The following PPFIBP1 variants were observed in gnomAD, a reference collection of about 807,000 sequenced individuals.
PPFIBP1 encodes liprin-beta-1.
In PPFIBP1, 112 loss-of-function variants were observed where a neutral mutation model predicts 137.8. The observed-to-expected ratio is 0.81, with a 90% CI of 0.70 to 0.95. PPFIBP1 has a LOEUF of 0.95. PPFIBP1 is among the 40% of genes least tolerant of loss of function. The pLI, the probability that PPFIBP1 is intolerant of heterozygous loss-of-function variation, is 0.00. For synonymous variants in PPFIBP1, 378 were observed against 417.3 expected (o/e 0.91, Z 1.15); for missense variants, 1,083 against 1,196.6 (o/e 0.91, Z 1.40).
intron 19 of PPFIBP1, chr12:27,677,407 C>T: frequency 2.4e-6 from 1 of 425,262 alleles, no homozygotes; most frequent in Non-Finnish European, 4.3e-6. Flanking sequence ...GCAGCTCTTT[C>T]AGCCTTGAAG....
rs554104964 is a variant in PPFIBP1 at position 27,676,573 on chromosome 12, A to G, written c.1556A>G (p.Lys519Arg). ...GGCTTTTTTAAAATCAAAAGTAACA[A>G]GAGAACAGCAAGTGCACCAAACTTA... ...GRGFFKIKSN[K>R]RTASAPNLDR... The change falls in exon 18 of 30, where the codon AAG becomes AGG. Residue 519 changes from lysine to arginine, a missense_variant. Lys to Arg is a conservative substitution (Grantham distance 26). Transcript: ENST00000228425. The G allele has an allele frequency of 1.3e-6, 2 of 1,596,218 alleles. No homozygotes were observed. Among genetic ancestry groups the G allele is most frequent in the Non-Finnish European group, 1.7e-6 (2 of 1,171,062 alleles).
At chr12:27,577,812 A>G (rs2050699546) in intron 1 of PPFIBP1, among the ~76,000 whole-genome samples, 1 of 152,168 alleles carries the variant, frequency 6.6e-6, no homozygotes, top group African/African-American at 2.4e-5. Flanking sequence ...TTACTCAACA[A>G]ACATTCATAG....
chr12:27,574,790 A>G (rs978480722), intron 1 of PPFIBP1, among the ~76,000 whole-genome samples: 2 of 152,186 alleles, frequency 1.3e-5, no homozygotes, highest in African/African-American at 2.4e-5. Flanking sequence ...AACCTTGGAC[A>G]AGTTATTTAA....
At chr12:27,605,132 T>G (rs2054394686) in intron 2 of PPFIBP1, among the ~76,000 whole-genome samples, 1 of 152,182 alleles carries the variant, frequency 6.6e-6, no homozygotes, top group African/African-American at 2.4e-5. Flanking sequence ...AGAAAGCATT[T>G]ATGGTGGCCT....
rs1944343037 is a variant in PPFIBP1, at chr12:27,530,864, C to T, written c.-124+6499C>T. On this transcript the variant is annotated intron_variant, in intron 1 of 29. Transcript: ENST00000228425. ...AGAAAGTAAGCAGGCCATCGCGTGACCAAAGACAAGATGCTTGAGGGTTAA... is the reference window on the plus strand; with the variant it reads ...AGAAAGTAAGCAGGCCATCGCGTGATCAAAGACAAGATGCTTGAGGGTTAA... 7.2e-5 allele frequency among the ~76,000 whole-genome samples: 11 copies of T among 152,258 alleles called. No homozygotes were observed. The South Asian group carries it at 2.3e-3, about 32-fold the overall frequency.
chr12:27,547,910 G>A (rs1426918061), intron 1 of PPFIBP1: 1 of 152,210 alleles, frequency 6.6e-6, no homozygotes, highest in Non-Finnish European at 1.5e-5. Flanking sequence ...GAGCAATATA[G>A]TGTCTACTAT....
At chr12:27,642,324 G>A (rs73294062) in intron 4 of PPFIBP1, among the ~76,000 whole-genome samples, 168 of 152,296 alleles carry the variant, frequency 1.1e-3, no homozygotes, top group African/African-American at 3.9e-3. Flanking sequence ...GATTGAATGC[G>A]GTCAATAAGG....
At chr12:27,611,925 C>T (rs1352832370) in intron 2 of PPFIBP1, among the ~76,000 whole-genome samples, 2 of 152,152 alleles carry the variant, frequency 1.3e-5, no homozygotes, top group African/African-American at 4.8e-5. Flanking sequence ...AAGTCCATGA[C>T]GTGTAACATG....
intron 2 of PPFIBP1, chr12:27,599,344 A>G (rs2053694780): frequency 7.4e-6 from 3 of 404,530 alleles, no homozygotes; most frequent in South Asian, 5.6e-5. Context: ...CTGCTCCTGG[A>G]ATCAGACTGG....
At position 27,689,041 on chromosome 12, in the gene PPFIBP1, AAC is replaced by A; in HGVS notation, c.2525_2526del (p.Thr842AsnfsTer11). On this transcript the variant is annotated frameshift_variant, in exon 27 of 30. Coordinates refer to ENST00000228425, the MANE Select transcript of PPFIBP1 (RefSeq NM_003622.4). LOFTEE classifies it high-confidence loss of function. ...MVLEPRFNVE[T>X]MAQLLNIPPN... ...TTCTAGAGCCTCGTTTTAACGTAGA[AAC>A]AATGGCTCAGTTATTGAACATCCCA... 6.2e-7 allele frequency: 1 copy of A among 1,613,896 alleles called. No homozygotes were observed.
At chr12:27,658,971 C>T in intron 10 of PPFIBP1, 123 bp downstream of exon 10, 1 of 898,114 alleles carries the variant, frequency 1.1e-6, no homozygotes, top group African/African-American at 1.7e-5. Context: ...ATCAATAAGC[C>T]CTCCATTTCT....
At chr12:27,623,312 C>T (rs994460531) in intron 2 of PPFIBP1, among the ~76,000 whole-genome samples, 3 of 152,150 alleles carry the variant, frequency 2.0e-5, no homozygotes, top group Admixed American at 6.5e-5. Context: ...GAATTTGATT[C>T]GCCTACATCT....
At chr12:27,637,514 G>C (rs2057767262) in intron 4 of PPFIBP1, among the ~76,000 whole-genome samples, 1 of 152,170 alleles carries the variant, frequency 6.6e-6, no homozygotes, top group Non-Finnish European at 1.5e-5. Context: ...TGTAGATCCA[G>C]AGAGATAAGG....
intron 24 of PPFIBP1, 70 bp downstream of exon 24, chr12:27,682,773 A>G: frequency 6.2e-7 from 1 of 1,606,384 alleles, no homozygotes; most frequent in Non-Finnish European, 8.5e-7. Context: ...GAATTGAGTA[A>G]GCCAAACACA....
At chr12:27,605,358 A>G (rs2054420852) in intron 2 of PPFIBP1, among the ~76,000 whole-genome samples, 1 of 152,156 alleles carries the variant, frequency 6.6e-6, no homozygotes. Context: ...GGTTGCCAGG[A>G]GCCCCTGGGG....
At position 27,679,995 on chromosome 12, in the gene PPFIBP1, G is replaced by C; in HGVS notation, c.1829G>C (p.Arg610Thr). The C allele has an allele frequency of 6.2e-7, 1 of 1,614,138 alleles. No homozygotes were observed. Among genetic ancestry groups the C allele is most frequent in the Non-Finnish European group, 8.5e-7 (1 of 1,179,990 alleles). ...GACATGTCTGAGCCTGAATTCAAAA[G>C]AGGAGGGACAAGGGCAACCGCGGGG... is the stretch of plus-strand genomic sequence containing the variant. ...PDDMSEPEFK[R>T]GGTRATAGPR... The change falls in exon 21 of 30, where the codon AGA becomes ACA. Residue 610 changes from arginine to threonine, a missense_variant. Transcript: ENST00000228425.
intron 1 of PPFIBP1, among the ~76,000 whole-genome samples, chr12:27,563,622 GA>G (rs1172251657): frequency 6.6e-6 from 1 of 152,068 alleles, no homozygotes; most frequent in Non-Finnish European, 1.5e-5. Context: ...GTGATCCCTT[GA>G]AGTTGAGAAC....
chr12:27,579,696 T>C (rs1279088787), intron 2 of PPFIBP1, among the ~76,000 whole-genome samples: 7 of 152,218 alleles, frequency 4.6e-5, no homozygotes, highest in Admixed American at 2.0e-4. Context: ...ATAGCGCTTC[T>C]ATGAATGTGT....
chr12:27,651,970 A>T (rs1321021224), intron 7 of PPFIBP1, among the ~76,000 whole-genome samples: 1 of 152,170 alleles, frequency 6.6e-6, no homozygotes, highest in East Asian at 1.9e-4. Context: ...TCAATCCCTG[A>T]TAATCTAATA....
Sources: allele counts gnomAD v4.1 joint callset (sites outside exome capture counted in the v4.1 genomes callset), GRCh38; gene constraint gnomAD v4.1.1; transcripts MANE v1.5; gene names NCBI Gene and HGNC (gene_info 2026-07-23, HGNC 2026-07-21).